CNTN5: variants seen among roughly 807,000 people sequenced by gnomAD.
The protein encoded by CNTN5 is contactin 5.
CNTN5 carries 77 observed loss-of-function variants against 129.1 expected under a neutral mutation model. The observed-to-expected ratio is 0.60, with a 90% confidence interval of 0.50 to 0.72. The LOEUF is 0.72. Among genes scored for constraint, CNTN5 ranks in the 30% least tolerant of loss-of-function variants. The probability of loss-of-function intolerance (pLI) is 0.00; values close to 1 mark genes in which losing one functional copy is unlikely to be tolerated. For missense variants in CNTN5, 1,478 were observed against 1,328.8 expected (o/e 1.11, Z -1.75); for synonymous variants, 509 against 465.6 (o/e 1.09, Z -1.20).
chr11:99,789,918 C>G (rs1288547761), intron 3 of CNTN5, among the ~76,000 whole-genome samples: 2 of 152,100 alleles, frequency 1.3e-5, no homozygotes, highest in African/African-American at 2.4e-5. Context: ...TCAACTCTTT[C>G]TCTATCTCCC....
At chr11:99,401,702 C>A (rs1941817442) in intron 2 of CNTN5, among the ~76,000 whole-genome samples, 1 of 152,044 alleles carries the variant, frequency 6.6e-6, no homozygotes, top group East Asian at 1.9e-4. Context: ...ATTGATTCTT[C>A]CAATCCGTGA....
At chr11:100,084,677 A>G (rs186407308) in intron 13 of CNTN5, among the ~76,000 whole-genome samples, 267 of 152,206 alleles carry the variant, frequency 1.8e-3, no homozygotes, top group Non-Finnish European at 2.7e-3. Flanking sequence ...CTGAAAAAAA[A>G]AGAGGTAGGT....
intron 1 of CNTN5, among the ~76,000 whole-genome samples, chr11:99,254,937 A>G (rs548277987): frequency 1.1e-4 from 17 of 152,088 alleles, no homozygotes; most frequent in Admixed American, 3.9e-4. Context: ...TGGCCAAAGA[A>G]TCTTTTTCCT....
At chr11:100,098,663 G>A (rs1042362403) in intron 13 of CNTN5, among the ~76,000 whole-genome samples, 1 of 151,998 alleles carries the variant, frequency 6.6e-6, no homozygotes, top group Non-Finnish European at 1.5e-5. Flanking sequence ...CCCTAAAGCT[G>A]AGTGGTTTCT....
At chr11:99,736,557 C>T (rs1342294494) in intron 3 of CNTN5, among the ~76,000 whole-genome samples, 1 of 152,132 alleles carries the variant, frequency 6.6e-6, no homozygotes, top group East Asian at 1.9e-4. Flanking sequence ...TTTAATCTAT[C>T]TCTGTAACAT....
intron 15 of CNTN5, among the ~76,000 whole-genome samples, chr11:100,201,041 C>G (rs1413469925): frequency 6.6e-6 from 1 of 151,860 alleles, no homozygotes; most frequent in African/African-American, 2.4e-5. Flanking sequence ...AATGAAGTGC[C>G]TATTATTGGG....
chr11:99,036,906 T>C, intron 1 of CNTN5, among the ~76,000 whole-genome samples: 1 of 152,200 alleles, frequency 6.6e-6, no homozygotes, highest in Non-Finnish European at 1.5e-5. Flanking sequence ...TTTTTCCTAG[T>C]CCCTTTACAT....
At chr11:99,885,572 C>T (rs1404371401) in intron 6 of CNTN5, among the ~76,000 whole-genome samples, 1 of 152,086 alleles carries the variant, frequency 6.6e-6, no homozygotes, top group African/African-American at 2.4e-5. Flanking sequence ...AAATTTTTAT[C>T]TCAGGCAAAA....
At chr11:100,333,822 A>G (rs554079692) in intron 21 of CNTN5, among the ~76,000 whole-genome samples, 145 of 152,322 alleles carry the variant, frequency 9.5e-4, no homozygotes, top group Non-Finnish European at 1.8e-3. Context: ...ACCTGAAACC[A>G]TAAAGATTCT....
At chr11:99,581,261 C>T (rs1949578014) in intron 3 of CNTN5, among the ~76,000 whole-genome samples, 2 of 128,122 alleles carry the variant, frequency 1.6e-5, no homozygotes, top group Admixed American at 8.2e-5. Context: ...ACTATGTGGT[C>T]AATTTTGGAG....
chr11:99,978,171 G>GA (rs1322543031), intron 8 of CNTN5, among the ~76,000 whole-genome samples: 1 of 151,924 alleles, frequency 6.6e-6, no homozygotes, highest in African/African-American at 2.4e-5. Flanking sequence ...TTTAAAGATA[G>GA]AAAAAAGCTT....
chr11:99,136,033 T>C (rs546884441), intron 1 of CNTN5, among the ~76,000 whole-genome samples: 51 of 152,186 alleles, frequency 3.4e-4, no homozygotes, highest in Non-Finnish European at 6.5e-4. Context: ...CAGCTGTATG[T>C]CACTAAAATA....
At chr11:99,235,164 C>T (rs1861203038) in intron 1 of CNTN5, among the ~76,000 whole-genome samples, 1 of 151,446 alleles carries the variant, frequency 6.6e-6, no homozygotes, top group Non-Finnish European at 1.5e-5. Flanking sequence ...TTCAATCAAT[C>T]TTGTATGTTC....
In CNTN5 at chr11:99,106,769, C is replaced by G. The variant is rs139152715; in HGVS notation, c.-210+85499C>G. Among the ~76,000 whole-genome samples the G allele has an allele frequency of 1.3e-3, 202 of 152,054 alleles. 2 individuals are homozygous for G. The highest frequency in any genetic ancestry group is 4.6e-3 in the African/African-American group (193 of 41,522). On this transcript the variant is annotated intron_variant, in intron 1 of 24. Transcript: ENST00000524871. ...TACTAGAGAAATGGGTTATTTTGCA[C>G]TTTTTCTTCATAACTTAAAGAACAC...
chr11:99,635,867 C>G (rs1009848959), intron 3 of CNTN5, among the ~76,000 whole-genome samples: 19 of 151,920 alleles, frequency 1.3e-4, no homozygotes, highest in Admixed American at 5.9e-4. Flanking sequence ...GTATAAAACC[C>G]AGGAAAAAAT....
At chr11:99,895,578 G>T (rs1396121097) in intron 6 of CNTN5, among the ~76,000 whole-genome samples, 1 of 152,220 alleles carries the variant, frequency 6.6e-6, no homozygotes, top group African/African-American at 2.4e-5. Flanking sequence ...ATGAAGCCAT[G>T]AAGCTGAACA....
intron 13 of CNTN5, among the ~76,000 whole-genome samples, chr11:100,084,419 C>A (rs753794241): frequency 6.6e-6 from 1 of 152,004 alleles, no homozygotes; most frequent in East Asian, 1.9e-4. Context: ...ATTGTACGGT[C>A]GAGATTTTTA....
chr11:99,208,258 T>A (rs1012731445), intron 1 of CNTN5, among the ~76,000 whole-genome samples: 4 of 152,162 alleles, frequency 2.6e-5, no homozygotes, highest in African/African-American at 9.7e-5. Flanking sequence ...TTTAATGGTG[T>A]ATGTATTATA....
intron 2 of CNTN5, among the ~76,000 whole-genome samples, chr11:99,494,949 A>T (rs1388896606): frequency 1.3e-5 from 2 of 152,226 alleles, no homozygotes; most frequent in African/African-American, 4.8e-5. Flanking sequence ...AATTAATTAT[A>T]ATTGGTGCAA....
Sources: allele counts gnomAD v4.1 joint callset (sites outside exome capture counted in the v4.1 genomes callset), GRCh38; gene constraint gnomAD v4.1.1; transcripts MANE v1.5; gene names NCBI Gene and HGNC (gene_info 2026-07-23, HGNC 2026-07-21).